The following SLC37A1 variants were observed in gnomAD, a reference collection of about 807,000 sequenced individuals.
The protein encoded by SLC37A1 is glucose-6-phosphate exchanger SLC37A1.
A neutral mutation model predicts 75.3 loss-of-function variants in SLC37A1; 49 were observed. The ratio of observed to expected loss-of-function variants is 0.65; its 90% confidence interval spans 0.52 to 0.83. The LOEUF is 0.83. Among genes scored for constraint, SLC37A1 ranks in the 40% least tolerant of loss-of-function variants. The pLI is 0.00. For synonymous variants in SLC37A1, 268 were observed against 292.1 expected (o/e 0.92, Z 0.84); for missense variants, 566 against 695.0 (o/e 0.81, Z 2.09).
chr21:42,523,848 T>C (rs1408113558), intron 2 of SLC37A1, among the ~76,000 whole-genome samples: 1 of 152,150 alleles, frequency 6.6e-6, no homozygotes, highest in East Asian at 1.9e-4. Context: ...AGGTTGTAGT[T>C]TTGTGTCACA....
chr21:42,554,075 A>C lies in SLC37A1; in HGVS notation c.782A>C (p.Tyr261Ser). The C allele has an allele frequency of 6.2e-7, 1 of 1,611,834 alleles. No individual in the cohort carries two copies. The highest frequency in any genetic ancestry group is 8.5e-7 in the Non-Finnish European group (1 of 1,178,948). The change falls in exon 10 of 20, where the codon TAT (tyrosine) becomes TCT (serine). Residue 261 changes from tyrosine (Y) to serine (S), a missense_variant. Tyr to Ser is a moderately radical substitution (Grantham distance 144, BLOSUM62 -2). Coordinates refer to ENST00000352133, the MANE Select transcript of SLC37A1 (RefSeq NM_001320537.2). ...TTTTTTTACCAGCACTCAAAAGGCT[A>C]TGAGAATGGTACAAACAGATTGAGA... Reference protein sequence around the residue: ...SSTLVTHSKGYENGTNRLRLQ... With the variant: ...SSTLVTHSKGSENGTNRLRLQ...
At position 42,570,071 on chromosome 21, in the gene SLC37A1, CCATGT is replaced by C. The variant is rs1157804722; in HGVS notation, c.1423+1638_1423+1642del. On this transcript the variant is annotated intron_variant, in intron 17 of 19. Coordinates refer to ENST00000352133, the MANE Select transcript of SLC37A1 (RefSeq NM_001320537.2). ...GAAGCGGCGGGCAGGGTGGCCGTTG[CCATGT>C]CATGCGACACACGGCCTGGTTCTGA... Among the ~76,000 whole-genome samples, 646 of 115,184 alleles carry C rather than the reference CCATGT, an allele frequency of 5.6e-3. 38 individuals carry two copies. The highest frequency in any genetic ancestry group is 0.041 in the African/African-American group (615 of 15,034). The allele number at this position is 115,184 out of a possible 152,430, so 75.6% of individuals were successfully genotyped here.
chr21:42,535,475 A>G lies in SLC37A1; in HGVS notation c.275A>G (p.Lys92Arg). 6.2e-7 allele frequency: 1 copy of G among 1,613,966 alleles called. No homozygotes were observed. The highest frequency in any genetic ancestry group is 8.5e-7 in the Non-Finnish European group (1 of 1,179,800). ...GCTGGTTTTCAAATTCATATAGATAAGAACAACTATCAGCAGCTGCTTGGG... is the reference window on the plus strand; with the variant it reads ...GCTGGTTTTCAAATTCATATAGATAGGAACAACTATCAGCAGCTGCTTGGG... ...ETDCGWAPFDKNNYQQLLGAL... is the reference protein window; with the variant it reads ...ETDCGWAPFDRNNYQQLLGAL... The change falls in exon 5 of 20, where the codon AAG (lysine) becomes AGG (arginine). Residue 92 changes from lysine (K) to arginine (R), a missense_variant. Coordinates refer to ENST00000352133, the MANE Select transcript of SLC37A1 (RefSeq NM_001320537.2).
At chr21:42,567,657 T>C (rs967203979) in intron 16 of SLC37A1, among the ~76,000 whole-genome samples, 2 of 152,242 alleles carry the variant, frequency 1.3e-5, no homozygotes, top group African/African-American at 4.8e-5. Flanking sequence ...TTCTTTATTT[T>C]ATATACATAT....
At chr21:42,568,659 C>T (rs1385987098) in intron 17 of SLC37A1, among the ~76,000 whole-genome samples, 1 of 152,130 alleles carries the variant, frequency 6.6e-6, no homozygotes, top group Non-Finnish European at 1.5e-5. Context: ...CTGTGCGTGT[C>T]CAGGTTTTCA....
intron 14 of SLC37A1, 40 bp from the exon 15 acceptor site, chr21:42,565,787 A>G: frequency 2.5e-6 from 4 of 1,593,300 alleles, no homozygotes; most frequent in Non-Finnish European, 3.4e-6. Context: ...CACTGCTTGC[A>G]GCCAGCCATG....
intron 3 of SLC37A1, among the ~76,000 whole-genome samples, chr21:42,526,860 A>G (rs2054809093): frequency 6.6e-6 from 1 of 152,142 alleles, no homozygotes; most frequent in Non-Finnish European, 1.5e-5. Context: ...GAAGAATATG[A>G]AAAGAGGTGG....
intron 14 of SLC37A1, 109 bp downstream of exon 14, chr21:42,564,902 G>T (rs113988265): frequency 0.11 from 109,817 of 1,036,280 alleles, 7,233 homozygotes; most frequent in Non-Finnish European, 0.13. Flanking sequence ...TTCCTGACAA[G>T]CCCGCTTCAT....
intron 17 of SLC37A1, among the ~76,000 whole-genome samples, chr21:42,574,381 G>A (rs1476059222): frequency 6.6e-6 from 1 of 152,224 alleles, no homozygotes; most frequent in Non-Finnish European, 1.5e-5. Context: ...TTTTAGGATG[G>A]TTCTGGGAAA....
At chr21:42,554,846 G>A (rs113751505) in intron 10 of SLC37A1, among the ~76,000 whole-genome samples, 14,231 of 152,126 alleles carry the variant, frequency 0.094, 735 homozygotes, top group Middle Eastern at 0.12. Context: ...ATTGATCCTT[G>A]TAGAGGCTCC....
intron 4 of SLC37A1, among the ~76,000 whole-genome samples, chr21:42,535,048 G>T (rs1318101319): frequency 1.3e-5 from 2 of 152,230 alleles, no homozygotes; most frequent in African/African-American, 4.8e-5. Context: ...GGGGAAATGT[G>T]CTGAAGATCA....
At chr21:42,563,728 G>C in intron 12 of SLC37A1, 87 bp from the exon 13 acceptor site, 1 of 1,254,300 alleles carries the variant, frequency 8.0e-7, no homozygotes, top group Non-Finnish European at 1.2e-6. Flanking sequence ...CCAGAGTCCC[G>C]TGCACGGGTC....
At chr21:42,556,623 C>T (rs1221980344) in intron 10 of SLC37A1, among the ~76,000 whole-genome samples, 3 of 152,178 alleles carry the variant, frequency 2.0e-5, no homozygotes, top group African/African-American at 7.2e-5. Context: ...CCACAGAAGC[C>T]CCCACACCCA....
chr21:42,508,494 T>G (rs1200640922), intron 2 of SLC37A1: 3 of 152,208 alleles, frequency 2.0e-5, no homozygotes, highest in Non-Finnish European at 4.4e-5. Context: ...GTATTTGCAC[T>G]AGCTCAACTG....
chr21:42,514,043 G>A lies in SLC37A1; in HGVS notation c.-853G>A, dbSNP rs1261859454. On this transcript the variant is annotated 5_prime_UTR_variant, in exon 1 of 20. Coordinates refer to ENST00000352133, the MANE Select transcript of SLC37A1 (RefSeq NM_001320537.2). This position sits in a 1 kb window ranked among gnomAD's most constrained non-coding sequence, Gnocchi z 4.8. ...GCTCAGCACCTGCGGCGCCCTCAGGGAGCCGGGCGCGGGGCCCTGCGCACT... is the reference window on the plus strand; with the variant it reads ...GCTCAGCACCTGCGGCGCCCTCAGGAAGCCGGGCGCGGGGCCCTGCGCACT... The A allele has an allele frequency of 6.7e-6, 1 of 149,786 alleles. No homozygotes were observed. Among genetic ancestry groups the A allele is most frequent in the Admixed American group, 6.6e-5 (1 of 15,080 alleles). 9.3% of individuals were successfully genotyped at this position (149,786 alleles called of 1,614,324 possible). A position where few individuals can be genotyped will look rare whatever the true frequency, so the allele number is the denominator to read the frequency against.
At chr21:42,508,122 C>CTTTTTTT (rs398036474) in intron 2 of SLC37A1, among the ~76,000 whole-genome samples, 1 of 80,932 alleles carries the variant, frequency 1.2e-5, no homozygotes, top group African/African-American at 4.8e-5. Flanking sequence ...AGAGTACGCT[C>CTTTTTTT]TTTTTTTTTT....
At chr21:42,525,654 T>C in intron 2 of SLC37A1, 122 bp from the exon 3 acceptor site, 1 of 670,472 alleles carries the variant, frequency 1.5e-6, no homozygotes. Flanking sequence ...GTAATATTGA[T>C]AATGGCTGTA....
At chr21:42,508,531 C>G (rs1245804999) in intron 2 of SLC37A1, 1 of 152,310 alleles carries the variant, frequency 6.6e-6, no homozygotes, top group Non-Finnish European at 1.5e-5. Context: ...GTTGATGGGT[C>G]AGTTTCCTAT....
At chr21:42,563,955 G>C (rs2055902664) in intron 13 of SLC37A1, 78 bp downstream of exon 13, 1 of 1,519,560 alleles carries the variant, frequency 6.6e-7, no homozygotes, top group African/African-American at 1.4e-5. Context: ...CACTGCTCAG[G>C]GGAACAGGGT....
Sources: allele counts gnomAD v4.1 joint callset (sites outside exome capture counted in the v4.1 genomes callset), GRCh38; gene constraint gnomAD v4.1.1; non-coding constraint Gnocchi (gnomAD v3.1); transcripts MANE v1.5; gene names NCBI Gene and HGNC (gene_info 2026-07-23, HGNC 2026-07-21).